The following ZNF143 variants were observed in gnomAD, a reference collection of about 807,000 sequenced individuals.
The protein encoded by ZNF143 is zinc finger protein 143.
Under a neutral mutation model 74.1 loss-of-function variants are expected in ZNF143, and 49 were observed. That is an observed-to-expected ratio of 0.66 (90% CI 0.53 to 0.84). ZNF143 has a LOEUF of 0.84. Ranked by LOEUF, ZNF143 falls within the 40% of genes least tolerant of loss-of-function variation. ZNF143 has a pLI of 0.00. For missense variants in ZNF143, 637 were observed against 793.4 expected (o/e 0.80, Z 2.37); for synonymous variants, 304 against 282.8 (o/e 1.07, Z -0.75).
At chr11:9,468,147 A>G (rs1228421944) in intron 1 of ZNF143, among the ~76,000 whole-genome samples, 1 of 152,194 alleles carries the variant, frequency 6.6e-6, no homozygotes, top group Non-Finnish European at 1.5e-5. Context: ...AATCCAGGGC[A>G]TGCTTACCAA....
At chr11:9,480,649 G>A (rs968700669) in intron 7 of ZNF143, among the ~76,000 whole-genome samples, 6 of 152,168 alleles carry the variant, frequency 3.9e-5, no homozygotes, top group Non-Finnish European at 7.3e-5. Flanking sequence ...ACTTTGGGAG[G>A]CTGAGGCGGA....
At chr11:9,521,456 A>G (rs1465711749) in intron 14 of ZNF143, among the ~76,000 whole-genome samples, 1 of 152,158 alleles carries the variant, frequency 6.6e-6, no homozygotes, top group African/African-American at 2.4e-5. Flanking sequence ...TCTCTTCTGT[A>G]CTATTTTCTG....
chr11:9,512,645 G>A, intron 13 of ZNF143, 49 bp downstream of exon 13: 1 of 1,605,548 alleles, frequency 6.2e-7, no homozygotes, highest in Non-Finnish European at 8.5e-7. Context: ...TGTGAACCTG[G>A]GCTTGAAAGG....
intron 2 of ZNF143, 67 bp downstream of exon 2, chr11:9,471,487 A>G (rs1856564313): frequency 1.7e-6 from 2 of 1,168,444 alleles, no homozygotes; most frequent in Non-Finnish European, 2.4e-6. Flanking sequence ...AAAAATTTAC[A>G]ACTTCCTAGT....
chr11:9,484,615 T>G (rs868304100), intron 7 of ZNF143, among the ~76,000 whole-genome samples: 48 of 149,158 alleles, frequency 3.2e-4, no homozygotes, highest in South Asian at 6.3e-4. Flanking sequence ...GTTTTTTTTT[T>G]TTTGTTTATT....
At chr11:9,496,111 T>A (rs762031870) in intron 8 of ZNF143, among the ~76,000 whole-genome samples, 192 bp from the exon 9 acceptor site, 1 of 152,212 alleles carries the variant, frequency 6.6e-6, no homozygotes, top group Non-Finnish European at 1.5e-5. Flanking sequence ...TTAGTAACTA[T>A]CTCTTAATAT....
At chr11:9,516,397 T>C (rs1208734614) in intron 14 of ZNF143, 35 bp downstream of exon 14, 1 of 1,557,840 alleles carries the variant, frequency 6.4e-7, no homozygotes, top group Non-Finnish European at 8.7e-7. Context: ...AATCAATACA[T>C]ATATCAGTAC....
chr11:9,462,980 T>C (rs1325457172), intron 1 of ZNF143, among the ~76,000 whole-genome samples: 4 of 152,166 alleles, frequency 2.6e-5, no homozygotes, highest in Non-Finnish European at 5.9e-5. Context: ...TAGCAATTAC[T>C]CCCCATTTCC....
At chr11:9,486,336 TTATA>T (rs1554964339) in intron 7 of ZNF143, among the ~76,000 whole-genome samples, 1 of 80,418 alleles carries the variant, frequency 1.2e-5, no homozygotes, top group Admixed American at 2.0e-4. Flanking sequence ...TAGGCGCTAA[TTATA>T]TTATATATAT....
intron 12 of ZNF143, among the ~76,000 whole-genome samples, chr11:9,509,286 A>G (rs1240022363): frequency 2.0e-5 from 3 of 152,226 alleles, no homozygotes; most frequent in Non-Finnish European, 4.4e-5. Flanking sequence ...AAGGCTGGAG[A>G]GCGAGGCAGG....
rs1025440707 is a variant in ZNF143 at position 9,516,282 on chromosome 11, C to T, written c.1606C>T (p.Pro536Ser). The change falls in exon 14 of 16, where the codon CCC becomes TCC. Residue 536 changes from proline to serine, a missense_variant. Physicochemically the swap from Pro to Ser is moderately conservative, Grantham distance 74. This residue lies in a region of ZNF143 where 344 missense variants were observed against 485.6 expected (regional missense o/e 0.71). Transcript: ENST00000396602. ...GCAGGATGGCACGCCCATCACAGTCCCCGCCCATGATGCAGTCATCTCCTC... is the reference window on the plus strand; with the variant it reads ...GCAGGATGGCACGCCCATCACAGTCTCCGCCCATGATGCAGTCATCTCCTC... ...VTQDGTPITV[P>S]AHDAVISSAG... 1.2e-6 allele frequency: 2 copies of T among 1,614,052 alleles called. No homozygotes were observed. Among genetic ancestry groups the T allele is most frequent in the Admixed American group, 3.3e-5 (2 of 60,004 alleles).
chr11:9,509,448 A>G (rs1195689475), intron 12 of ZNF143, among the ~76,000 whole-genome samples: 4 of 152,244 alleles, frequency 2.6e-5, no homozygotes, highest in African/African-American at 9.6e-5. Flanking sequence ...TTGGAAAAAT[A>G]TTTTAGAGAA....
intron 9 of ZNF143, among the ~76,000 whole-genome samples, chr11:9,496,734 T>C (rs921550175): frequency 2.6e-5 from 4 of 151,946 alleles, no homozygotes; most frequent in African/African-American, 9.7e-5. Context: ...GTAGCTGGGA[T>C]TACAGGCGCT....
intron 15 of ZNF143, 173 bp downstream of exon 15, chr11:9,525,559 C>A: frequency 1.2e-6 from 1 of 834,454 alleles, no homozygotes; most frequent in Non-Finnish European, 2.0e-6. Flanking sequence ...AAAAGACCAG[C>A]ACTTTGTTCT....
At chr11:9,485,357 T>C (rs796630282) in intron 7 of ZNF143, among the ~76,000 whole-genome samples, 2 of 144,290 alleles carry the variant, frequency 1.4e-5, no homozygotes, top group African/African-American at 5.3e-5. Context: ...CTTTTTTTTT[T>C]TTTTTTTTTT....
At chr11:9,467,890 A>C (rs549206442) in intron 1 of ZNF143, among the ~76,000 whole-genome samples, 4 of 150,610 alleles carry the variant, frequency 2.7e-5, no homozygotes, top group South Asian at 2.1e-4. Flanking sequence ...AATTCCTTCT[A>C]TAATTTTCAC....
chr11:9,501,633 A>G (rs78506737), intron 11 of ZNF143, among the ~76,000 whole-genome samples: 5,592 of 152,108 alleles, frequency 0.037, 314 homozygotes, highest in African/African-American at 0.12. Context: ...GCATTTTGGG[A>G]GGGGTTTCTG....
chr11:9,478,328 A>T (rs1847099531), intron 5 of ZNF143, 62 bp from the exon 6 acceptor site: 1 of 1,545,802 alleles, frequency 6.5e-7, no homozygotes, highest in Non-Finnish European at 8.9e-7. Flanking sequence ...TCTTCCTTTA[A>T]ATATGTAAAT....
chr11:9,473,734 G>A, intron 3 of ZNF143: 2 of 1,492,700 alleles, frequency 1.3e-6, no homozygotes, highest in Non-Finnish European at 1.8e-6. Context: ...GAAAATTGCA[G>A]GGGAGGAAGG....
Sources: allele counts gnomAD v4.1 joint callset (sites outside exome capture counted in the v4.1 genomes callset), GRCh38; gene constraint gnomAD v4.1.1; regional missense constraint gnomAD v4.1.1; transcripts MANE v1.5; gene names NCBI Gene and HGNC (gene_info 2026-07-23, HGNC 2026-07-21).